The following CEP68 variants were observed in gnomAD, a reference collection of about 807,000 sequenced individuals.
The protein encoded by CEP68 is centrosomal protein 68.
Under a neutral mutation model 55.3 loss-of-function variants are expected in CEP68, and 26 were observed. The ratio of observed to expected loss-of-function variants is 0.47; its 90% CI spans 0.34 to 0.65. The LOEUF is 0.65. Among genes scored for constraint, CEP68 ranks in the 30% least tolerant of loss-of-function variants. The pLI, the probability that CEP68 is intolerant of heterozygous loss-of-function variation, is 0.01. For missense variants in CEP68, 957 were observed against 946.7 expected, an observed-to-expected ratio of 1.01 and a Z score of -0.14; for synonymous variants, 402 against 383.2, an observed-to-expected ratio of 1.05 and a Z score of -0.57.
chr2:65,069,890 T>C (rs2103769500), intron 2 of CEP68, 89 bp downstream of exon 2: 1 of 1,164,128 alleles, frequency 8.6e-7, no homozygotes. Flanking sequence ...ATCCTTTCCT[T>C]GCTACTGTGC....
intron 5 of CEP68, among the ~76,000 whole-genome samples, chr2:65,082,139 A>G (rs1047020140): frequency 6.6e-6 from 1 of 152,234 alleles, no homozygotes; most frequent in Non-Finnish European, 1.5e-5. Flanking sequence ...TAGCAGGGGT[A>G]AGCATCTGAA....
At chr2:65,071,196 C>A in intron 2 of CEP68, 1 of 507,418 alleles carries the variant, frequency 2.0e-6, no homozygotes, top group Non-Finnish European at 3.5e-6. Context: ...TTGCTCACAC[C>A]CTGGATACCT....
At chr2:65,076,268 C>T (rs933254048) in intron 4 of CEP68, among the ~76,000 whole-genome samples, 4 of 152,182 alleles carry the variant, frequency 2.6e-5, no homozygotes, top group African/African-American at 9.6e-5. Context: ...AGCTTAGTGG[C>T]CTTTCCTGGC....
At chr2:65,067,169 G>A (rs1246635290) in intron 1 of CEP68, among the ~76,000 whole-genome samples, 1 of 151,818 alleles carries the variant, frequency 6.6e-6, no homozygotes, top group Admixed American at 6.6e-5. Flanking sequence ...CCTGAGGTCA[G>A]GAGTTCAAGA....
chr2:65,069,754 C>T lies in CEP68; in HGVS notation c.310C>T (p.Pro104Ser), dbSNP rs762406396. The T allele has an allele frequency of 9.9e-6, 16 of 1,614,010 alleles. No individual in the cohort carries two copies. The South Asian group carries it at 1.3e-4, about 13-fold the overall frequency. Reference sequence around the variant, plus strand: ...TGAGCCTGCACTCAGTGGCCTGCCTCCTGCCACCATGGGGTCTGGAGACCT... The same window carrying T: ...TGAGCCTGCACTCAGTGGCCTGCCTTCTGCCACCATGGGGTCTGGAGACCT... ...RSEPALSGLP[P>S]ATMGSGDLLL... is the part of the protein sequence containing the mutation. Residue 104 changes from proline (P) to serine (S), a missense_variant, in exon 2 of 7, where the codon CCT (proline) becomes TCT (serine). Pro to Ser is a moderately conservative substitution (Grantham distance 74, BLOSUM62 -1). Transcript: ENST00000377990.
chr2:65,075,492 T>A (rs1335933970), intron 4 of CEP68, among the ~76,000 whole-genome samples: 1 of 152,202 alleles, frequency 6.6e-6, no homozygotes, highest in East Asian at 1.9e-4. Context: ...TCATTAAGAT[T>A]TTGTTATTTT....
chr2:65,061,797 T>C (rs1028704822), intron 1 of CEP68, among the ~76,000 whole-genome samples: 3 of 152,202 alleles, frequency 2.0e-5, no homozygotes, highest in Non-Finnish European at 2.9e-5. Flanking sequence ...GACTGGCCCC[T>C]TTGTTGGCTT....
At chr2:65,078,824 G>A (rs1253196357) in intron 5 of CEP68, among the ~76,000 whole-genome samples, 1 of 152,222 alleles carries the variant, frequency 6.6e-6, no homozygotes, top group Non-Finnish European at 1.5e-5. Context: ...GATTACAGGC[G>A]TGAGCCACTG....
chr2:65,059,262 C>T (rs1194277450), intron 1 of CEP68, among the ~76,000 whole-genome samples: 8 of 152,198 alleles, frequency 5.3e-5, no homozygotes, highest in African/African-American at 1.4e-4. Context: ...GGGGACACTG[C>T]GTCACTTCCA....
intron 4 of CEP68, among the ~76,000 whole-genome samples, chr2:65,076,995 C>CTTTTTT (rs573128823): frequency 1.7e-5 from 2 of 118,282 alleles, no homozygotes; most frequent in South Asian, 2.6e-4. Context: ...TTGACTTTAC[C>CTTTTTT]TTTTTTTTTT....
rs113347651 is a variant in CEP68, at chr2:65,064,597, G to A, written c.-46-4802G>A. On this transcript the variant is annotated intron_variant, in intron 1 of 6. Coordinates refer to ENST00000377990, the MANE Select transcript of CEP68 (RefSeq NM_015147.3). ...AAAATACAAAAAATTAGCTGGGTGC[G>A]GTGGTGGGCGCCTGTAGTCCCAGCT... Among the ~76,000 whole-genome samples, 659 of 152,234 alleles carry A rather than the reference G, an allele frequency of 4.3e-3. 6 individuals are homozygous for A. The highest frequency in any genetic ancestry group is 0.015 in the African/African-American group (633 of 41,536).
At chr2:65,065,361 G>A (rs933319393) in intron 1 of CEP68, among the ~76,000 whole-genome samples, 1 of 152,230 alleles carries the variant, frequency 6.6e-6, no homozygotes, top group African/African-American at 2.4e-5. Context: ...AGGGACTGGT[G>A]AAATAAACTA....
At chr2:65,080,020 C>T (rs1311621321) in intron 5 of CEP68, among the ~76,000 whole-genome samples, 1 of 152,018 alleles carries the variant, frequency 6.6e-6, no homozygotes, top group Non-Finnish European at 1.5e-5. Context: ...GTAATCCCAG[C>T]CACTCTGGAG....
At chr2:65,069,899 GCA>G in intron 2 of CEP68, 98 bp downstream of exon 2, 1 of 1,097,136 alleles carries the variant, frequency 9.1e-7, no homozygotes, top group Non-Finnish European at 1.3e-6. Context: ...TTGCTACTGT[GCA>G]GGGTGAGGAA....
intron 5 of CEP68, among the ~76,000 whole-genome samples, chr2:65,081,917 C>A (rs1014175242): frequency 3.9e-5 from 6 of 152,110 alleles, no homozygotes; most frequent in Non-Finnish European, 7.4e-5. Context: ...GGCTGGTCTC[C>A]AACTCCTGAC....
At chr2:65,081,917 C>G (rs1014175242) in intron 5 of CEP68, among the ~76,000 whole-genome samples, 1 of 152,110 alleles carries the variant, frequency 6.6e-6, no homozygotes, top group South Asian at 2.1e-4. Context: ...GGCTGGTCTC[C>G]AACTCCTGAC....
In CEP68 at chr2:65,085,272, A is replaced by G. The variant is rs1668994996; in HGVS notation, c.*1638A>G. The G allele has an allele frequency of 6.6e-6, 1 of 152,240 alleles. No homozygotes were observed. Among genetic ancestry groups the G allele is most frequent in the African/African-American group, 2.4e-5 (1 of 41,464 alleles). 9.4% of individuals were successfully genotyped at this position (152,240 alleles called of 1,614,324 possible). On this transcript the variant is annotated 3_prime_UTR_variant, in exon 7 of 7. Coordinates refer to ENST00000377990, the MANE Select transcript of CEP68 (RefSeq NM_015147.3). The stretch of plus-strand genomic sequence containing the variant: ...AATTGAATGCAGAATGTGGCATTCT[A>G]TTCCCATTCAACTAATAATCAGCTT...
At chr2:65,065,971 A>C (rs929250682) in intron 1 of CEP68, among the ~76,000 whole-genome samples, 9 of 151,818 alleles carry the variant, frequency 5.9e-5, no homozygotes, top group South Asian at 2.1e-4. Flanking sequence ...AAAAAAAAAA[A>C]ACACAAGATT....
intron 1 of CEP68, among the ~76,000 whole-genome samples, chr2:65,066,770 A>G: frequency 1.2e-5 from 1 of 86,310 alleles, no homozygotes; most frequent in South Asian, 3.8e-4. Context: ...ATATATATAC[A>G]CACACAAAAA....
Sources: allele counts gnomAD v4.1 joint callset (sites outside exome capture counted in the v4.1 genomes callset), GRCh38; gene constraint gnomAD v4.1.1; transcripts MANE v1.5; gene names NCBI Gene and HGNC (gene_info 2026-07-23, HGNC 2026-07-21).